The following RBM27 variants were observed in gnomAD, a reference collection of about 807,000 sequenced individuals.
RBM27 encodes the protein RNA binding motif protein 27.
Under a neutral mutation model 135.3 loss-of-function variants are expected in RBM27, and 22 were observed. The observed-to-expected ratio is 0.16, with a 90% CI of 0.12 to 0.23. RBM27 has a LOEUF of 0.23. Ranked by LOEUF, RBM27 falls within the 10% of genes least tolerant of loss-of-function variation. The probability of loss-of-function intolerance (pLI) is 1.00; values close to 1 mark genes in which losing one functional copy is unlikely to be tolerated. For synonymous variants in RBM27, 481 were observed against 442.4 expected (o/e 1.09, Z -1.10); for missense variants, 1,009 against 1,281.0 (o/e 0.79, Z 3.24).
intron 8 of RBM27, among the ~76,000 whole-genome samples, chr5:146,243,464 C>CATTTTGG (rs1183521605): frequency 1.3e-5 from 2 of 152,056 alleles, no homozygotes; most frequent in Non-Finnish European, 2.9e-5. Flanking sequence ...CTCATTGAAG[C>CATTTTGG]ATTTTGGATT....
chr5:146,216,530 T>C (rs1399256312), intron 1 of RBM27, among the ~76,000 whole-genome samples: 1 of 152,106 alleles, frequency 6.6e-6, no homozygotes, highest in Non-Finnish European at 1.5e-5. Flanking sequence ...TAAGATCTAC[T>C]CTCTTAGCAA....
chr5:146,237,181 C>T (rs978053593), intron 7 of RBM27, 117 bp from the exon 8 acceptor site: 167 of 1,214,264 alleles, frequency 1.4e-4, no homozygotes, highest in Non-Finnish European at 1.8e-4. Flanking sequence ...TCAGGTGATC[C>T]GCCTGTCTTG....
chr5:146,271,435 G>T (rs1458273510), intron 18 of RBM27, 48 bp from the exon 19 acceptor site: 2 of 1,472,796 alleles, frequency 1.4e-6, no homozygotes, highest in East Asian at 2.3e-5. Context: ...TGTTTTTAAG[G>T]TTTAGTCTAA....
At chr5:146,281,159 T>A (rs1759337050) in intron 19 of RBM27, among the ~76,000 whole-genome samples, 1 of 152,146 alleles carries the variant, frequency 6.6e-6, no homozygotes, top group Non-Finnish European at 1.5e-5. Context: ...GTCTATTTAA[T>A]GCCACATTTT....
intron 19 of RBM27, among the ~76,000 whole-genome samples, chr5:146,280,007 C>G (rs1358999909): frequency 2.0e-5 from 3 of 151,716 alleles, no homozygotes; most frequent in African/African-American, 7.3e-5. Context: ...GGCTGCATTC[C>G]AAACCTTGCC....
chr5:146,227,018 C>T (rs1756708400), intron 3 of RBM27, among the ~76,000 whole-genome samples: 1 of 152,146 alleles, frequency 6.6e-6, no homozygotes. Flanking sequence ...CTTAGTTGCT[C>T]TGAACAGGGT....
chr5:146,205,579 G>A (rs1381235073), intron 1 of RBM27, among the ~76,000 whole-genome samples: 1 of 146,958 alleles, frequency 6.8e-6, no homozygotes, highest in Non-Finnish European at 1.5e-5. Context: ...TAGGTCTCTT[G>A]AATAGGGGTT....
At chr5:146,279,471 CAAAACTTTTAA>C (rs1406375433) in intron 19 of RBM27, among the ~76,000 whole-genome samples, 1 of 146,320 alleles carries the variant, frequency 6.8e-6, no homozygotes, top group East Asian at 2.1e-4. Flanking sequence ...AAAAAAAAAA[CAAAACTTTTAA>C]AAATAAAAAT....
In RBM27 at chr5:146,254,904, C is replaced by G. The variant is rs751523006; in HGVS notation, c.1445-39C>G. ...CAATGAGAGATGGTTTAACCTCTCT[C>G]TGATTTGTTGTGTGTTTTGTTGCTT... On this transcript the variant is annotated intron_variant, in intron 9 of 20. Coordinates refer to ENST00000265271, the MANE Select transcript of RBM27 (RefSeq NM_018989.2). 2.1e-5 allele frequency: 31 copies of G among 1,472,806 alleles called. 1 individual carries two copies. In the South Asian group the frequency reaches 3.8e-4, roughly 18 times the overall value. The allele number at this position is 1,472,806 out of a possible 1,614,324, so 91.2% of individuals were successfully genotyped here.
chr5:146,282,564 C>T (rs563244154), intron 19 of RBM27, among the ~76,000 whole-genome samples: 1 of 152,166 alleles, frequency 6.6e-6, no homozygotes, highest in East Asian at 1.9e-4. Flanking sequence ...TACAGTATAA[C>T]AACTATTTAC....
chr5:146,249,822 G>A (rs189294453), intron 8 of RBM27, among the ~76,000 whole-genome samples: 1 of 151,568 alleles, frequency 6.6e-6, no homozygotes, highest in South Asian at 2.1e-4. Context: ...TAAGTTCCAG[G>A]GTACATATGT....
chr5:146,230,512 A>G, intron 5 of RBM27, 145 bp from the exon 6 acceptor site: 2 of 836,368 alleles, frequency 2.4e-6, no homozygotes, highest in Non-Finnish European at 3.6e-6. Context: ...AGGATATATT[A>G]ATAAAGAGAG....
At chr5:146,210,533 C>T (rs1168830435) in intron 1 of RBM27, among the ~76,000 whole-genome samples, 1 of 152,050 alleles carries the variant, frequency 6.6e-6, no homozygotes, top group Non-Finnish European at 1.5e-5. Flanking sequence ...TGAAAGGAGC[C>T]TGCTTGTTAC....
chr5:146,276,863 T>G (rs1003222650), intron 19 of RBM27, among the ~76,000 whole-genome samples: 1 of 152,150 alleles, frequency 6.6e-6, no homozygotes, highest in Non-Finnish European at 1.5e-5. Flanking sequence ...AAGACCAACC[T>G]GGGCAGCATA....
intron 20 of RBM27, among the ~76,000 whole-genome samples, chr5:146,285,486 A>T (rs1759543427): frequency 6.6e-6 from 1 of 152,228 alleles, no homozygotes; most frequent in East Asian, 1.9e-4. Context: ...TTTGTCTAAG[A>T]TTTTAGATTT....
chr5:146,255,851 T>C (rs1758077381), intron 10 of RBM27, among the ~76,000 whole-genome samples: 1 of 151,498 alleles, frequency 6.6e-6, no homozygotes, highest in African/African-American at 2.4e-5. Context: ...TTCCTTTTTT[T>C]CTTCTTCTTC....
chr5:146,275,568 A>C (rs1479069223), intron 19 of RBM27, among the ~76,000 whole-genome samples: 1 of 152,270 alleles, frequency 6.6e-6, no homozygotes, highest in East Asian at 1.9e-4. Context: ...CGCCCGGCCC[A>C]GAAAGAACTT....
In RBM27 at chr5:146,224,259, A is replaced by G. The variant is rs184677045; in HGVS notation, c.303+732A>G. Among the ~76,000 whole-genome samples, 33 of 152,366 alleles carry G rather than the reference A, an allele frequency of 2.2e-4. 1 individual carries two copies. Among genetic ancestry groups the G allele is most frequent in the African/African-American group, 7.7e-4 (32 of 41,592 alleles). On this transcript the variant is annotated intron_variant, in intron 3 of 20. Transcript: ENST00000265271. Reference sequence around the variant, plus strand: ...TATGTATGTGTGTATATATATATATAGTTTCTAGTCCAGTGCCTGGCACAT... The same window carrying G: ...TATGTATGTGTGTATATATATATATGGTTTCTAGTCCAGTGCCTGGCACAT...
chr5:146,267,920 A>AG, intron 15 of RBM27, 152 bp downstream of exon 15: 1 of 857,432 alleles, frequency 1.2e-6, no homozygotes, highest in Non-Finnish European at 1.7e-6. Context: ...TGGAAAAAAA[A>AG]GGTGGACATA....
Sources: gnomAD v4.1 joint callset for allele counts (sites outside exome capture counted in the v4.1 genomes callset) on GRCh38, gnomAD v4.1.1 for gene constraint, MANE v1.5 for transcripts, NCBI Gene and HGNC (gene_info 2026-07-23, HGNC 2026-07-21) for gene names.